Variants in MDGA2 observed in about 807,000 individuals in gnomAD.
The protein encoded by MDGA2 is MAM domain containing glycosylphosphatidylinositol anchor 2.
MDGA2 carries 40 observed loss-of-function variants against 117.8 expected under a neutral mutation model. That is an observed-to-expected ratio of 0.34 (90% CI 0.26 to 0.44). The LOEUF is 0.44. Ranked by LOEUF, MDGA2 falls within the 20% of genes least tolerant of loss-of-function variation. The pLI is 1.00. For synonymous variants in MDGA2, 452 were observed against 439.0 expected (o/e 1.03, Z -0.37); for missense variants, 1,123 against 1,250.6 (o/e 0.90, Z 1.54).
chr14:47,548,636 T>C (rs1177357588), intron 1 of MDGA2, among the ~76,000 whole-genome samples: 1 of 152,174 alleles, frequency 6.6e-6, no homozygotes, highest in East Asian at 1.9e-4. Context: ...TTCAAAATTC[T>C]AACATTTAAA....
At chr14:47,319,363 A>C (rs1252848278) in intron 1 of MDGA2, among the ~76,000 whole-genome samples, 1 of 152,316 alleles carries the variant, frequency 6.6e-6, no homozygotes, top group South Asian at 2.1e-4. Flanking sequence ...CTGCAAAATT[A>C]TATTTGTTTT....
At chr14:47,601,134 T>C (rs1169574453) in intron 1 of MDGA2, among the ~76,000 whole-genome samples, 4 of 152,192 alleles carry the variant, frequency 2.6e-5, no homozygotes, top group Non-Finnish European at 1.5e-5. Flanking sequence ...ACTGACTATG[T>C]TGTATATTGG....
intron 1 of MDGA2, among the ~76,000 whole-genome samples, chr14:47,456,443 C>T (rs1280712823): frequency 2.7e-5 from 4 of 150,784 alleles, no homozygotes; most frequent in Non-Finnish European, 5.9e-5. Context: ...CAGGCATGCA[C>T]CACCACGCCT....
At chr14:47,015,668 CA>C (rs908317717) in intron 8 of MDGA2, among the ~76,000 whole-genome samples, 1 of 151,736 alleles carries the variant, frequency 6.6e-6, no homozygotes, top group Non-Finnish European at 1.5e-5. Context: ...CACAGAATCC[CA>C]AGAAAAGAGA....
intron 1 of MDGA2, among the ~76,000 whole-genome samples, chr14:47,428,018 T>C (rs1892725915): frequency 6.6e-6 from 1 of 152,166 alleles, no homozygotes; most frequent in African/African-American, 2.4e-5. Context: ...TTTATTGATC[T>C]TGCCAGATTT....
chr14:47,164,082 G>A (rs752625720), intron 3 of MDGA2, among the ~76,000 whole-genome samples: 1 of 152,190 alleles, frequency 6.6e-6, no homozygotes, highest in African/African-American at 2.4e-5. Context: ...TAGTTAGTAG[G>A]TGAGTCAGTA....
chr14:47,136,474 G>A (rs1454315314), intron 4 of MDGA2, among the ~76,000 whole-genome samples: 3 of 152,096 alleles, frequency 2.0e-5, no homozygotes, highest in Admixed American at 6.6e-5. Flanking sequence ...TGGGATTACA[G>A]GCATGAGCCA....
chr14:47,641,131 C>A (rs1394414740), intron 1 of MDGA2, among the ~76,000 whole-genome samples: 1 of 152,006 alleles, frequency 6.6e-6, no homozygotes, highest in African/African-American at 2.4e-5. Flanking sequence ...ATATGTACAC[C>A]TATACATATG....
intron 1 of MDGA2, among the ~76,000 whole-genome samples, chr14:47,506,558 T>A (rs10137971): frequency 2.0e-5 from 3 of 151,994 alleles, no homozygotes; most frequent in Non-Finnish European, 4.4e-5. Flanking sequence ...GAGAACAATG[T>A]GTTAAGGTCA....
At chr14:47,060,505 G>A (rs2138781270) in intron 7 of MDGA2, among the ~76,000 whole-genome samples, 1 of 152,148 alleles carries the variant, frequency 6.6e-6, no homozygotes, top group East Asian at 1.9e-4. Context: ...AACAAATACA[G>A]CTACTTTGAA....
At chr14:47,494,876 T>TTATATATATA (rs10627834) in intron 1 of MDGA2, among the ~76,000 whole-genome samples, 275 of 141,028 alleles carry the variant, frequency 1.9e-3, no homozygotes, top group Middle Eastern at 3.7e-3. Flanking sequence ...TAAAATGTGA[T>TTATATATATA]TATATATATA....
intron 9 of MDGA2, among the ~76,000 whole-genome samples, chr14:46,939,074 A>G (rs770281100): frequency 6.6e-6 from 1 of 152,160 alleles, no homozygotes; most frequent in East Asian, 1.9e-4. Flanking sequence ...GATCTCATAA[A>G]TGTAAAGGGT....
intron 1 of MDGA2, among the ~76,000 whole-genome samples, chr14:47,649,063 C>A (rs1041584131): frequency 6.6e-6 from 1 of 152,054 alleles, no homozygotes; most frequent in Non-Finnish European, 1.5e-5. Flanking sequence ...TTTTAAATGT[C>A]TAAAATTCAT....
chr14:46,919,755 G>A (rs1382939435), intron 10 of MDGA2, among the ~76,000 whole-genome samples: 1 of 152,020 alleles, frequency 6.6e-6, no homozygotes, highest in African/African-American at 2.4e-5. Context: ...ATTTTAGAAG[G>A]CTCAAAGGCT....
intron 1 of MDGA2, among the ~76,000 whole-genome samples, chr14:47,661,266 C>A (rs180693838): frequency 6.6e-6 from 1 of 151,940 alleles, no homozygotes; most frequent in African/African-American, 2.4e-5. Flanking sequence ...AACTATATGG[C>A]GGTTATTTAA....
chr14:46,917,495 T>C (rs564629517), intron 10 of MDGA2, among the ~76,000 whole-genome samples: 1 of 152,230 alleles, frequency 6.6e-6, no homozygotes, highest in African/African-American at 2.4e-5. Context: ...CTCAGAAACA[T>C]GCTCAAGGTT....
chr14:47,100,655 T>C (rs1454296967), intron 5 of MDGA2, among the ~76,000 whole-genome samples: 1 of 152,090 alleles, frequency 6.6e-6, no homozygotes, highest in Non-Finnish European at 1.5e-5. Flanking sequence ...AAGGAAACAC[T>C]GGATGAGACA....
Position 47,097,050 on chromosome 14 carries a change from A to G in MDGA2, c.999T>C (p.Cys333=). ...GTGCAGGCTCTCCTCCTGTTGTAAC[A>G]CATACTAATGTTATGGCCTCTCCAG... The part of the protein sequence containing the change: ...VNPGEAITLV[C]VTTGGEPAPS... Residue 333 remains cysteine, a synonymous_variant, in exon 6 of 17, where the codon TGT becomes TGC. Transcript: ENST00000399232. 6.2e-7 allele frequency: 1 copy of G among 1,613,356 alleles called. No homozygotes were observed. The highest frequency in any genetic ancestry group is 8.5e-7 in the Non-Finnish European group (1 of 1,179,438).
chr14:47,178,841 T>A (rs1264017958), intron 3 of MDGA2, among the ~76,000 whole-genome samples: 2 of 151,984 alleles, frequency 1.3e-5, no homozygotes, highest in Non-Finnish European at 2.9e-5. Flanking sequence ...TTTACCTGAG[T>A]TTAGAAAGTG....
Sources: gnomAD v4.1 joint callset for allele counts (sites outside exome capture counted in the v4.1 genomes callset) on GRCh38, gnomAD v4.1.1 for gene constraint, MANE v1.5 for transcripts, NCBI Gene and HGNC (gene_info 2026-07-23, HGNC 2026-07-21) for gene names.